Variants in PLCE1 observed in about 807,000 individuals in gnomAD.
PLCE1 encodes 1-phosphatidylinositol 4,5-bisphosphate phosphodiesterase epsilon-1.
PLCE1 carries 119 observed loss-of-function variants against 242.8 expected under a neutral mutation model. The ratio of observed to expected loss-of-function variants is 0.49; its 90% confidence interval spans 0.42 to 0.57. The LOEUF is 0.57. Ranked by LOEUF, PLCE1 falls within the 20% of genes least tolerant of loss-of-function variation. PLCE1 has a pLI of 0.00. For synonymous variants in PLCE1, 945 were observed against 1,017.4 expected (o/e 0.93, Z 1.35); for missense variants, 2,441 against 2,788.8 (o/e 0.88, Z 2.81).
intron 2 of PLCE1, chr10:94,096,929 T>C (rs754205453): frequency 4.6e-5 from 7 of 152,162 alleles, no homozygotes; most frequent in African/African-American, 7.2e-5. Flanking sequence ...AGGCTAGCAA[T>C]TGGAATTGTA....
chr10:94,271,456 A>G (rs2051732874), intron 18 of PLCE1, among the ~76,000 whole-genome samples: 1 of 151,464 alleles, frequency 6.6e-6, no homozygotes, highest in South Asian at 2.1e-4. Flanking sequence ...CTGGGACTAC[A>G]GGCGCCCACC....
chr10:94,186,085 G>A (rs58730112), intron 4 of PLCE1, among the ~76,000 whole-genome samples: 26,413 of 152,192 alleles, frequency 0.17, 2,442 homozygotes, highest in South Asian at 0.33. Flanking sequence ...CAGTCCCCAG[G>A]AGGAATAGTA....
rs1473457358 is a variant in PLCE1 at position 94,171,216 on chromosome 10, C to T, written c.1529C>T (p.Ala510Val). 7 of 1,614,060 alleles carry T rather than the reference C, an allele frequency of 4.3e-6. No individual in the cohort carries two copies. Among genetic ancestry groups the T allele is most frequent in the Non-Finnish European group, 5.9e-6 (7 of 1,180,020 alleles). ...GGCCCCTCTGTGGCCAATTCCAATG[C>T]CCTCCCTTCAAGTTCAGCTGGGATC... ...QPGPSVANSN[A>V]LPSSSAGISK... is the part of the protein sequence containing the mutation. Residue 510 changes from alanine (A) to valine (V), a missense_variant, in exon 4 of 33, where the codon GCC (alanine) becomes GTC (valine). Ala to Val is a moderately conservative substitution (Grantham distance 64, BLOSUM62 0). Transcript: ENST00000371380.
chr10:94,008,806 G>A lies in PLCE1; in HGVS notation c.-365+14548G>A, dbSNP rs1335176223. ...CAAGAGGCACATAAGGAGAAAGGAG[G>A]TAGAAAATGCTCCTTCTTAGTGTTG... is the stretch of plus-strand genomic sequence containing the variant. On this transcript the variant is annotated intron_variant, in intron 1 of 32. Coordinates refer to ENST00000371380, the MANE Select transcript of PLCE1 (RefSeq NM_016341.4). Among the ~76,000 whole-genome samples the A allele has an allele frequency of 2.6e-5, 4 of 152,204 alleles. No individual in the cohort carries two copies. The East Asian group carries it at 7.7e-4, about 29-fold the overall frequency.
chr10:94,300,040 G>A (rs1015275822), intron 24 of PLCE1, among the ~76,000 whole-genome samples: 6 of 152,144 alleles, frequency 3.9e-5, no homozygotes, highest in East Asian at 3.9e-4. Flanking sequence ...AGTGGCTGGT[G>A]GGTTCACATC....
intron 8 of PLCE1, among the ~76,000 whole-genome samples, chr10:94,247,639 CA>C (rs1317209843): frequency 6.6e-6 from 1 of 152,064 alleles, no homozygotes; most frequent in Non-Finnish European, 1.5e-5. Context: ...GAAATTTTTC[CA>C]AATGTGGGAT....
intron 4 of PLCE1, among the ~76,000 whole-genome samples, chr10:94,180,634 T>C (rs73314270): frequency 0.085 from 12,933 of 152,234 alleles, 1,021 homozygotes; most frequent in African/African-American, 0.21. Flanking sequence ...CCCACACCCT[T>C]AGCGGTGATG....
At chr10:94,327,499 T>G (rs1425055579) in intron 32 of PLCE1, among the ~76,000 whole-genome samples, 1 of 152,122 alleles carries the variant, frequency 6.6e-6, no homozygotes, top group Admixed American at 6.5e-5. Flanking sequence ...TGCTTGAACT[T>G]TGGAGGCAGC....
At chr10:94,134,108 T>C (rs1259983192) in intron 3 of PLCE1, among the ~76,000 whole-genome samples, 1 of 151,936 alleles carries the variant, frequency 6.6e-6, no homozygotes, top group Non-Finnish European at 1.5e-5. Context: ...TTTTTTTTTT[T>C]TTTTCTTTTT....
At chr10:94,057,655 A>G (rs1327465315) in intron 2 of PLCE1, among the ~76,000 whole-genome samples, 1 of 152,216 alleles carries the variant, frequency 6.6e-6, no homozygotes, top group Non-Finnish European at 1.5e-5. Flanking sequence ...AGAGAACTTA[A>G]CAAAAACTTA....
At chr10:94,099,532 A>G (rs1402753785) in intron 2 of PLCE1, 1 of 152,204 alleles carries the variant, frequency 6.6e-6, no homozygotes. Flanking sequence ...TCTCGAACAC[A>G]TATGTCAAGG....
At position 94,293,605 on chromosome 10, in the gene PLCE1, G is replaced by A; in HGVS notation, c.5133G>A (p.Gly1711=). The A allele has an allele frequency of 6.2e-7, 1 of 1,613,904 alleles. No individual in the cohort carries two copies. Among genetic ancestry groups the A allele is most frequent in the Non-Finnish European group, 8.5e-7 (1 of 1,179,876 alleles). ...FGNNPGRMSP[G]ETASFNKTSG... ...ACAATCCGGGCAGAATGAGCCCAGG[G>A]GAGACAGCATCATTTAACAAAACAT... is the stretch of plus-strand genomic sequence containing the variant. The change falls in exon 23 of 33, where the codon GGG becomes GGA. Residue 1711 remains glycine, a synonymous_variant. Coordinates refer to ENST00000371380, the MANE Select transcript of PLCE1 (RefSeq NM_016341.4).
intron 32 of PLCE1, 116 bp downstream of exon 32, chr10:94,325,220 G>A (rs1003290261): frequency 1.3e-6 from 1 of 786,328 alleles, no homozygotes; most frequent in Admixed American, 2.0e-5. Flanking sequence ...TCCCTTGAAG[G>A]CAGGTAGGAA....
chr10:94,102,132 A>C (rs1338749385), intron 2 of PLCE1, among the ~76,000 whole-genome samples: 1 of 152,230 alleles, frequency 6.6e-6, no homozygotes, highest in Non-Finnish European at 1.5e-5. Context: ...AGCAACAATA[A>C]GCATCTGTTC....
At chr10:94,273,517 A>G (rs1368076765) in intron 18 of PLCE1, 45 bp from the exon 19 acceptor site, 6 of 1,528,244 alleles carry the variant, frequency 3.9e-6, no homozygotes, top group East Asian at 2.3e-5. Context: ...TTTATCAATT[A>G]TAGATAAAAG....
chr10:94,059,775 T>A (rs2134938854), intron 2 of PLCE1, among the ~76,000 whole-genome samples: 1 of 152,334 alleles, frequency 6.6e-6, no homozygotes, highest in East Asian at 1.9e-4. Context: ...AATTTATTAG[T>A]GTTTCAAAAC....
At chr10:94,210,474 A>C (rs1173237481) in intron 4 of PLCE1, among the ~76,000 whole-genome samples, 1 of 152,144 alleles carries the variant, frequency 6.6e-6, no homozygotes, top group African/African-American at 2.4e-5. Context: ...CCCTGAAGAA[A>C]ACAAGCAGGC....
At chr10:94,063,216 T>G (rs569917558) in intron 2 of PLCE1, among the ~76,000 whole-genome samples, 2 of 152,340 alleles carry the variant, frequency 1.3e-5, no homozygotes, top group Admixed American at 1.3e-4. Context: ...GTTTTGTTTT[T>G]AACTGAAGAC....
At chr10:94,264,848 C>T (rs2051455859) in intron 14 of PLCE1, among the ~76,000 whole-genome samples, 1 of 152,072 alleles carries the variant, frequency 6.6e-6, no homozygotes, top group African/African-American at 2.4e-5. Flanking sequence ...TTACTCTGAG[C>T]CACGCATGGT....
Sources: gnomAD v4.1 joint callset for allele counts (sites outside exome capture counted in the v4.1 genomes callset) on GRCh38, gnomAD v4.1.1 for gene constraint, MANE v1.5 for transcripts, NCBI Gene and HGNC (gene_info 2026-07-23, HGNC 2026-07-21) for gene names.